The following PLXNA4 variants were observed in gnomAD, a reference collection of about 807,000 sequenced individuals.
PLXNA4 encodes plexin A4.
A neutral mutation model predicts 191.8 loss-of-function variants in PLXNA4; 44 were observed. That is an observed-to-expected ratio of 0.23 (90% confidence interval 0.18 to 0.29). PLXNA4 has a LOEUF of 0.29. PLXNA4 is among the 10% of genes least tolerant of loss of function. PLXNA4 has a pLI of 1.00. For synonymous variants in PLXNA4, 1,082 were observed against 1,009.5 expected, an observed-to-expected ratio of 1.07 and a Z score of -1.36; for missense variants, 1,800 against 2,488.8, an observed-to-expected ratio of 0.72 and a Z score of 5.89.
intron 1 of PLXNA4, among the ~76,000 whole-genome samples, chr7:132,566,347 C>T (rs1801723785): frequency 6.6e-6 from 1 of 152,222 alleles, no homozygotes; most frequent in Middle Eastern, 3.4e-3. Flanking sequence ...GAGATGAATG[C>T]CAGGCAGTGA....
intron 4 of PLXNA4, among the ~76,000 whole-genome samples, chr7:132,267,764 A>G (rs1799911176): frequency 6.6e-6 from 1 of 152,166 alleles, no homozygotes; most frequent in Non-Finnish European, 1.5e-5. Flanking sequence ...CCTCAAACCA[A>G]ATGGAGGCTG....
chr7:132,241,676 C>A (rs771877531), intron 4 of PLXNA4, among the ~76,000 whole-genome samples: 68 of 152,184 alleles, frequency 4.5e-4, no homozygotes, highest in Non-Finnish European at 2.1e-4. Flanking sequence ...CCTTCTCTTT[C>A]TCTTCCTCCT....
chr7:132,200,743 T>A (rs1227141067), intron 12 of PLXNA4, among the ~76,000 whole-genome samples: 1 of 152,138 alleles, frequency 6.6e-6, no homozygotes, highest in Non-Finnish European at 1.5e-5. Context: ...ACGTGCACAA[T>A]TTGTGAGTGG....
chr7:132,431,658 C>T (rs1795266312), intron 3 of PLXNA4, among the ~76,000 whole-genome samples: 1 of 152,184 alleles, frequency 6.6e-6, no homozygotes, highest in South Asian at 2.1e-4. Context: ...AACCCTCATG[C>T]TCACGATTTA....
At chr7:132,538,109 A>G (rs1799924543) in intron 1 of PLXNA4, among the ~76,000 whole-genome samples, 1 of 152,168 alleles carries the variant, frequency 6.6e-6, no homozygotes. Flanking sequence ...GCTGCCACCC[A>G]CATGGAGGAG....
chr7:132,576,276 T>G lies in PLXNA4; in HGVS notation c.-87+146A>C. The G allele has an allele frequency of 1.9e-6, 1 of 539,506 alleles. No homozygotes were observed. 33.4% of individuals were successfully genotyped at this position (539,506 alleles called of 1,614,324 possible). A position where few individuals can be genotyped will look rare whatever the true frequency, so the allele number is the denominator to read the frequency against. ...CGAGCGCCGTGTGTGCCGGTGTGGA[T>G]CTGTGTGTGTGCCTGCGTGTGTGCG... On this transcript the variant is annotated intron_variant, in intron 1 of 31. Transcript: ENST00000321063. The surrounding 1 kb of genome is among the most constrained non-coding windows in gnomAD (Gnocchi z 5.8).
At position 132,182,011 on chromosome 7, in the gene PLXNA4, C is replaced by T; in HGVS notation, c.3252+86G>A. ...TATCAGTGTATGGGCAGGGAGTTAC[C>T]TCAGTACTTGGGAAGACCCACACCC... On this transcript the variant is annotated intron_variant, in intron 17 of 31. Transcript: ENST00000321063. 4 of 1,597,548 alleles carry T rather than the reference C, an allele frequency of 2.5e-6. 1 individual carries two copies. Among genetic ancestry groups the T allele is most frequent in the South Asian group, 2.3e-5 (2 of 88,534 alleles).
chr7:132,133,633 C>G (rs1459794443), intron 30 of PLXNA4, among the ~76,000 whole-genome samples: 1 of 152,198 alleles, frequency 6.6e-6, no homozygotes, highest in Non-Finnish European at 1.5e-5. Flanking sequence ...GTCCTCCACT[C>G]TCTGGGGGCT....
chr7:132,168,165 C>A, intron 22 of PLXNA4, 139 bp downstream of exon 22: 1 of 1,276,046 alleles, frequency 7.8e-7, no homozygotes, highest in Non-Finnish European at 1.0e-6. Context: ...GCAATGTAGT[C>A]CTGGCTCTGG....
chr7:132,218,445 C>T (rs367830520), intron 9 of PLXNA4, among the ~76,000 whole-genome samples: 3 of 152,204 alleles, frequency 2.0e-5, no homozygotes, highest in East Asian at 1.9e-4. Context: ...CAAAGCCTCT[C>T]TAGTCTGGTG....
chr7:132,571,475 C>T (rs1801976746), intron 1 of PLXNA4, among the ~76,000 whole-genome samples: 1 of 152,136 alleles, frequency 6.6e-6, no homozygotes, highest in South Asian at 2.1e-4. Flanking sequence ...GATTTCTTCC[C>T]TGCTTCTGGA....
At chr7:132,432,576 G>A (rs1203989840) in intron 3 of PLXNA4, among the ~76,000 whole-genome samples, 1 of 152,142 alleles carries the variant, frequency 6.6e-6, no homozygotes, top group African/African-American at 2.4e-5. Flanking sequence ...AGGGAGAGAA[G>A]GGGAGGAGGT....
At chr7:132,318,424 G>A (rs1802029780) in intron 3 of PLXNA4, among the ~76,000 whole-genome samples, 1 of 152,212 alleles carries the variant, frequency 6.6e-6, no homozygotes, top group Non-Finnish European at 1.5e-5. Context: ...AGAGCGCTAA[G>A]CTGGGGGAGG....
In PLXNA4 at chr7:132,178,757, A is replaced by G. The variant is rs1189404054; in HGVS notation, c.3874+930T>C. Among the ~76,000 whole-genome samples, 5 of 132,504 alleles carry G rather than the reference A, an allele frequency of 3.8e-5. No individual in the cohort carries two copies. The East Asian group carries it at 1.1e-3, about 29-fold the overall frequency. The allele number at this position is 132,504 out of a possible 152,430, so 86.9% of individuals were successfully genotyped here. ...TTGTAAATGAAACACATACACACAC[A>G]CACACACACACACACACAGCCTCCA... is the stretch of plus-strand genomic sequence containing the variant. On this transcript the variant is annotated intron_variant, in intron 20 of 31. Transcript: ENST00000321063.
intron 2 of PLXNA4, among the ~76,000 whole-genome samples, chr7:132,598,104 A>C (rs1212294931): frequency 6.6e-6 from 1 of 151,940 alleles, no homozygotes; most frequent in Non-Finnish European, 1.5e-5. Context: ...CAAAATATAT[A>C]TTCTTTTTTT....
At chr7:132,162,791 T>C (rs1030900478) in intron 24 of PLXNA4, among the ~76,000 whole-genome samples, 3 of 152,142 alleles carry the variant, frequency 2.0e-5, no homozygotes, top group Non-Finnish European at 2.9e-5. Flanking sequence ...AGACGTCTAC[T>C]GGGATTCCCG....
In PLXNA4 at chr7:132,128,462, G is replaced by GCTCT. The variant is rs1428281346; in HGVS notation, c.*2013_*2016dup. ...AAGCGCCCTCTCCTTCCACCCACCA[G>GCTCT]CTCTCAGCATAGAAAGCAAGTAAGT... On this transcript the variant is annotated 3_prime_UTR_variant, in exon 32 of 32. Transcript: ENST00000321063. The GCTCT allele has an allele frequency of 6.6e-6, 1 of 152,046 alleles. No individual in the cohort carries two copies. Among genetic ancestry groups the GCTCT allele is most frequent in the Non-Finnish European group, 1.5e-5 (1 of 68,080 alleles). The allele number at this position is 152,046 out of a possible 1,614,324, so 9.4% of individuals were successfully genotyped here. A position where few individuals can be genotyped will look rare whatever the true frequency, so the allele number is the denominator to read the frequency against.
intron 3 of PLXNA4, among the ~76,000 whole-genome samples, chr7:132,477,874 G>T (rs1279601503): frequency 6.6e-6 from 1 of 152,136 alleles, no homozygotes; most frequent in Non-Finnish European, 1.5e-5. Context: ...TCAAAATGTG[G>T]CTAAATAAAA....
At chr7:132,563,016 CTCTT>C (rs1801360516) in intron 1 of PLXNA4, among the ~76,000 whole-genome samples, 2 of 101,972 alleles carry the variant, frequency 2.0e-5, no homozygotes, top group African/African-American at 4.0e-5. Context: ...CCTCCTCTTT[CTCTT>C]CCTCTTTCTC....
Sources: gnomAD v4.1 joint callset for allele counts (sites outside exome capture counted in the v4.1 genomes callset) on GRCh38, gnomAD v4.1.1 for gene constraint, Gnocchi (gnomAD v3.1) non-coding constraint, MANE v1.5 for transcripts, NCBI Gene and HGNC (gene_info 2026-07-23, HGNC 2026-07-21) for gene names.